SPATA6L: variants seen among roughly 807,000 people sequenced by gnomAD.
SPATA6L encodes the protein spermatogenesis associated 6-like protein.
SPATA6L carries 68 observed loss-of-function variants against 49.2 expected under a neutral mutation model. The ratio of observed to expected loss-of-function variants is 1.38; its 90% confidence interval spans 1.14 to 1.69. The LOEUF (loss-of-function observed/expected upper bound fraction) is 1.69, where lower values mean the gene tolerates loss of function less well. Ranked by LOEUF, SPATA6L falls within the 40% of genes most tolerant of loss-of-function variation. The pLI is 0.00. For synonymous variants in SPATA6L, 198 were observed against 165.7 expected (o/e 1.19, Z -1.50); for missense variants, 668 against 464.3 (o/e 1.44, Z -4.03).
At chr9:4,626,799 T>A (rs1317169899) in intron 5 of SPATA6L, 1 of 227,196 alleles carries the variant, frequency 4.4e-6, no homozygotes, top group African/African-American at 2.3e-5. Context: ...TATGAAGCCA[T>A]GAAAAATTGT....
At chr9:4,607,044 G>A (rs1380493913) in intron 9 of SPATA6L, among the ~76,000 whole-genome samples, 4 of 150,884 alleles carry the variant, frequency 2.7e-5, no homozygotes, top group Non-Finnish European at 4.4e-5. Context: ...AAGGGTATCA[G>A]CGATGGAAGA....
intron 1 of SPATA6L, chr9:4,663,255 C>A (rs765667369): frequency 6.2e-7 from 1 of 1,612,250 alleles, no homozygotes; most frequent in African/African-American, 1.3e-5. Flanking sequence ...ACTGTGGAGT[C>A]AACGATGACA....
intron 5 of SPATA6L, chr9:4,626,469 A>G (rs775751616): frequency 9.9e-5 from 129 of 1,304,324 alleles, no homozygotes; most frequent in Non-Finnish European, 1.2e-4. Context: ...GCCCTTCTCC[A>G]GAGGTCTGGG....
chr9:4,658,310 T>A (rs1392230509), intron 2 of SPATA6L, among the ~76,000 whole-genome samples: 1 of 152,210 alleles, frequency 6.6e-6, no homozygotes, highest in Non-Finnish European at 1.5e-5. Context: ...TATGAGTAAC[T>A]TGTTGACCCA....
intron 1 of SPATA6L, chr9:4,664,685 G>C (rs41279557): frequency 6.0e-6 from 1 of 167,042 alleles, no homozygotes; most frequent in Non-Finnish European, 1.5e-5. Flanking sequence ...GACTATTTTG[G>C]CATTTATAAA....
chr9:4,604,288 C>T lies in SPATA6L; in HGVS notation c.1090-19G>A. The T allele has an allele frequency of 6.6e-7, 1 of 1,523,992 alleles. No individual in the cohort carries two copies. Among genetic ancestry groups the T allele is most frequent in the Non-Finnish European group, 9.1e-7 (1 of 1,100,706 alleles). 94.4% of individuals were successfully genotyped at this position (1,523,992 alleles called of 1,614,324 possible). On this transcript the variant is annotated intron_variant, in intron 10 of 11. Transcript: ENST00000682582. ...AATCTTCCTACAATAAAAACAAATC[C>T]AGCAATTATGTTACCCATAACATAA...
intron 4 of SPATA6L, among the ~76,000 whole-genome samples, chr9:4,632,595 C>CAA (rs58418814): frequency 0.01 from 1,244 of 120,640 alleles, 17 homozygotes; most frequent in African/African-American, 0.033. Flanking sequence ...GACTCCATCT[C>CAA]AAAAAAAAAA....
At chr9:4,652,039 A>G (rs1587451738) in intron 3 of SPATA6L, among the ~76,000 whole-genome samples, 1 of 152,370 alleles carries the variant, frequency 6.6e-6, no homozygotes, top group East Asian at 1.9e-4. Context: ...ATAATTTTGC[A>G]TATAGAAAAT....
At chr9:4,628,824 T>C (rs1311734352) in intron 5 of SPATA6L, 1 of 337,974 alleles carries the variant, frequency 3.0e-6, no homozygotes, top group Non-Finnish European at 5.3e-6. Flanking sequence ...GCTAATTAGC[T>C]CACTTACATC....
intron 9 of SPATA6L, among the ~76,000 whole-genome samples, chr9:4,615,837 T>G (rs1458486302): frequency 6.6e-6 from 1 of 152,174 alleles, no homozygotes; most frequent in Non-Finnish European, 1.5e-5. Context: ...GTACTGCTTT[T>G]AAGGAGTTTG....
intron 9 of SPATA6L, among the ~76,000 whole-genome samples, chr9:4,615,805 C>T (rs574162719): frequency 2.4e-4 from 36 of 152,308 alleles, no homozygotes; most frequent in Middle Eastern, 3.4e-3. Context: ...ATGCTCAATA[C>T]AGTCTCTCAG....
chr9:4,625,583 A>T lies in SPATA6L; in HGVS notation c.430-17T>A, dbSNP rs760103361. 1.4e-6 allele frequency: 2 copies of T among 1,468,956 alleles called. No homozygotes were observed. The highest frequency in any genetic ancestry group is 1.8e-6 in the Non-Finnish European group (2 of 1,097,422). 91.0% of individuals were successfully genotyped at this position (1,468,956 alleles called of 1,614,324 possible). On this transcript the variant is annotated splice_polypyrimidine_tract_variant and intron_variant, in intron 5 of 11. Coordinates refer to ENST00000682582, the MANE Select transcript of SPATA6L (RefSeq NM_001353486.2). ...TCTTTCTTCCTGAAATAAACAAAAA[A>T]AGAATATTTTTTAAAATAAAGAAAG...
intron 11 of SPATA6L, 100 bp downstream of exon 11, chr9:4,604,079 A>G: frequency 1.3e-6 from 1 of 753,344 alleles, no homozygotes; most frequent in East Asian, 2.6e-5. Flanking sequence ...TGTCCTCCAC[A>G]CTTTCTAGTT....
chr9:4,663,198 G>T (rs758058742), intron 1 of SPATA6L: 1 of 1,613,956 alleles, frequency 6.2e-7, no homozygotes, highest in African/African-American at 1.3e-5. Flanking sequence ...GTACAGCATC[G>T]TGGACTATTG....
At chr9:4,597,816 G>A (rs1404316951), downstream of SPATA6L, among the ~76,000 whole-genome samples, 1 of 152,188 alleles carries the variant, frequency 6.6e-6, no homozygotes, top group Non-Finnish European at 1.5e-5. Context: ...CCCATCCGGT[G>A]GTACTAGTGG....
At chr9:4,657,121 C>G (rs1359283483) in intron 2 of SPATA6L, among the ~76,000 whole-genome samples, 1 of 152,188 alleles carries the variant, frequency 6.6e-6, no homozygotes, top group East Asian at 1.9e-4. Context: ...GTCTTTCCCC[C>G]TAAGCTCTAG....
chr9:4,628,928 GCAAA>G, intron 5 of SPATA6L, 159 bp downstream of exon 5: 2 of 600,520 alleles, frequency 3.3e-6, no homozygotes, highest in Non-Finnish European at 5.8e-6. Context: ...GACTGGCTGA[GCAAA>G]CAGTTTGAAT....
At chr9:4,613,182 G>A (rs1403538173) in intron 9 of SPATA6L, among the ~76,000 whole-genome samples, 1 of 151,612 alleles carries the variant, frequency 6.6e-6, no homozygotes, top group Admixed American at 6.6e-5. Flanking sequence ...GAGCTGAGAT[G>A]GGGCCACTGT....
chr9:4,629,646 G>C (rs886621580), intron 4 of SPATA6L, among the ~76,000 whole-genome samples: 7 of 151,478 alleles, frequency 4.6e-5, no homozygotes, highest in African/African-American at 1.5e-4. Flanking sequence ...TTTTATATCA[G>C]ATATTTATAT....
Sources: allele counts gnomAD v4.1 joint callset (sites outside exome capture counted in the v4.1 genomes callset), GRCh38; gene constraint gnomAD v4.1.1; transcripts MANE v1.5; gene names NCBI Gene and HGNC (gene_info 2026-07-23, HGNC 2026-07-21).